Variants in GRM8 observed in about 807,000 individuals in gnomAD.
The protein encoded by GRM8 is metabotropic glutamate receptor 8.
A neutral mutation model predicts 87.2 loss-of-function variants in GRM8; 47 were observed. The ratio of observed to expected loss-of-function variants is 0.54; its 90% CI spans 0.43 to 0.69. GRM8 has a LOEUF of 0.69. Ranked by LOEUF, GRM8 falls within the 30% of genes least tolerant of loss-of-function variation. The pLI is 0.00. For missense variants in GRM8, 1,019 were observed against 1,139.2 expected (o/e 0.89, Z 1.52); for synonymous variants, 396 against 404.5 (o/e 0.98, Z 0.25).
At chr7:126,474,374 T>C (rs924263512) in intron 9 of GRM8, among the ~76,000 whole-genome samples, 9 of 152,072 alleles carry the variant, frequency 5.9e-5, no homozygotes, top group Non-Finnish European at 1.0e-4. Flanking sequence ...GCTTAAGCAA[T>C]CCTCTCACCT....
chr7:126,753,424 G>A (rs370289475), intron 7 of GRM8, among the ~76,000 whole-genome samples: 76 of 151,074 alleles, frequency 5.0e-4, no homozygotes, highest in African/African-American at 1.7e-3. Flanking sequence ...ACGTATATAC[G>A]TATATATACA....
At chr7:126,562,997 T>C (rs1473043369) in intron 8 of GRM8, among the ~76,000 whole-genome samples, 1 of 152,230 alleles carries the variant, frequency 6.6e-6, no homozygotes, top group Non-Finnish European at 1.5e-5. Flanking sequence ...CTAATTATTA[T>C]AACAAATGTA....
At chr7:127,213,201 T>A (rs1563582691) in intron 2 of GRM8, among the ~76,000 whole-genome samples, 2 of 152,212 alleles carry the variant, frequency 1.3e-5, no homozygotes, top group Non-Finnish European at 2.9e-5. Flanking sequence ...GGAACTTCAC[T>A]CAATTTACCT....
chr7:126,441,014 A>G (rs956483345), intron 10 of GRM8, among the ~76,000 whole-genome samples: 3 of 152,098 alleles, frequency 2.0e-5, no homozygotes, highest in African/African-American at 7.2e-5. Context: ...AGAACAGATC[A>G]ATTATCTGTC....
At chr7:126,864,665 T>A (rs1798441951) in intron 6 of GRM8, among the ~76,000 whole-genome samples, 1 of 152,218 alleles carries the variant, frequency 6.6e-6, no homozygotes, top group South Asian at 2.1e-4. Flanking sequence ...TTTTTTAATG[T>A]CTCAGATTAT....
At chr7:126,968,728 C>G (rs76959999) in intron 3 of GRM8, among the ~76,000 whole-genome samples, 59 of 152,226 alleles carry the variant, frequency 3.9e-4, no homozygotes, top group African/African-American at 1.3e-3. Flanking sequence ...TAATAATAAA[C>G]TCTCTAAAGA....
intron 8 of GRM8, among the ~76,000 whole-genome samples, chr7:126,608,252 C>G (rs530772149): frequency 1.3e-5 from 2 of 152,150 alleles, no homozygotes; most frequent in Non-Finnish European, 2.9e-5. Flanking sequence ...TGGTACCTAG[C>G]AGCTCTCCCC....
chr7:126,776,656 G>A (rs1819508608), intron 6 of GRM8, among the ~76,000 whole-genome samples: 1 of 152,148 alleles, frequency 6.6e-6, no homozygotes, highest in Non-Finnish European at 1.5e-5. Flanking sequence ...CGTTGGAGTA[G>A]AGCACCTTAT....
intron 7 of GRM8, among the ~76,000 whole-genome samples, chr7:126,766,724 AT>A: frequency 6.6e-6 from 1 of 152,268 alleles, no homozygotes; most frequent in African/African-American, 2.4e-5. Context: ...TCTTCAGAAA[AT>A]TAAAAATTGG....
At chr7:126,781,863 G>A (rs979808123) in intron 6 of GRM8, among the ~76,000 whole-genome samples, 3 of 152,038 alleles carry the variant, frequency 2.0e-5, no homozygotes, top group African/African-American at 7.2e-5. Flanking sequence ...CCATGGGCAT[G>A]AGCCACCACG....
intron 3 of GRM8, among the ~76,000 whole-genome samples, chr7:126,995,234 T>C (rs1354529503): frequency 3.3e-5 from 5 of 152,124 alleles, no homozygotes; most frequent in East Asian, 3.9e-4. Context: ...AGAATGAGCA[T>C]AGAGCATAGA....
At chr7:127,015,000 GA>G (rs760439568) in intron 3 of GRM8, among the ~76,000 whole-genome samples, 9 of 81,836 alleles carry the variant, frequency 1.1e-4, no homozygotes, top group African/African-American at 3.0e-4. Context: ...AGAAGAAGAA[GA>G]AAGAAGAAGA....
At chr7:126,703,508 G>T (rs1810164286) in intron 7 of GRM8, among the ~76,000 whole-genome samples, 1 of 152,154 alleles carries the variant, frequency 6.6e-6, no homozygotes, top group Non-Finnish European at 1.5e-5. Context: ...CTAGGGTCAA[G>T]ACGTTTTAAC....
At chr7:126,497,787 A>G (rs1239494714) in intron 9 of GRM8, among the ~76,000 whole-genome samples, 2 of 152,004 alleles carry the variant, frequency 1.3e-5, no homozygotes, top group Non-Finnish European at 2.9e-5. Context: ...CTTAAATGAT[A>G]GGCAGTAGTA....
intron 6 of GRM8, among the ~76,000 whole-genome samples, chr7:126,900,655 G>A (rs1277742947): frequency 5.1e-5 from 3 of 58,694 alleles, no homozygotes; most frequent in East Asian, 3.1e-3. Flanking sequence ...GACTACAGGC[G>A]CCCGCCACAC....
In GRM8 at chr7:126,533,510, C is replaced by A. The variant is rs775112738; in HGVS notation, c.1872G>T (p.Val624=). The A allele has an allele frequency of 6.2e-7, 1 of 1,614,078 alleles. No individual in the cohort carries two copies. Among genetic ancestry groups the A allele is most frequent in the South Asian group, 1.1e-5 (1 of 91,082 alleles). The change falls in exon 9 of 11, where the codon GTG becomes GTT. Residue 624 remains valine (V), a synonymous_variant. Transcript: ENST00000339582. The part of the protein sequence containing the change: ...VRASGRELSY[V]LLTGIFLCYS... ...AACAGAGAAAAATCCCCGTTAGGAG[C>A]ACGTAACTAAGTTCGCGTCCTGAAG...
At chr7:126,743,726 C>T (rs1321355754) in intron 7 of GRM8, among the ~76,000 whole-genome samples, 1 of 152,096 alleles carries the variant, frequency 6.6e-6, no homozygotes, top group Non-Finnish European at 1.5e-5. Flanking sequence ...CTTCTTACTT[C>T]ATACAATAGT....
intron 3 of GRM8, among the ~76,000 whole-genome samples, chr7:127,074,279 C>T (rs1389450429): frequency 6.6e-6 from 1 of 152,098 alleles, no homozygotes; most frequent in African/African-American, 2.4e-5. Flanking sequence ...AAAACTCAGT[C>T]TTTTTGTCAT....
At chr7:126,477,581 G>GAGAGGAAGAAAGAA in intron 9 of GRM8, among the ~76,000 whole-genome samples, 1 of 79,184 alleles carries the variant, frequency 1.3e-5, no homozygotes, top group South Asian at 4.4e-4. Flanking sequence ...GAAAGAAAGA[G>GAGAGGAAGAAAGAA]AGAAAGAAAG....
Sources: gnomAD v4.1 joint callset for allele counts (sites outside exome capture counted in the v4.1 genomes callset) on GRCh38, gnomAD v4.1.1 for gene constraint, MANE v1.5 for transcripts, NCBI Gene and HGNC (gene_info 2026-07-23, HGNC 2026-07-21) for gene names.